Variants in FAM124B observed in about 807,000 individuals in gnomAD.
FAM124B encodes family with sequence similarity 124 member B.
In FAM124B, 18 loss-of-function variants were observed where a neutral mutation model predicts 19.7. The ratio of observed to expected loss-of-function variants is 0.92; its 90% CI spans 0.63 to 1.36. The LOEUF is 1.36. Ranked by LOEUF, FAM124B falls within the 40% of genes most tolerant of loss-of-function variation. The pLI is 0.00. For synonymous variants in FAM124B, 223 were observed against 225.2 expected (o/e 0.99, Z 0.09); for missense variants, 540 against 553.3 (o/e 0.98, Z 0.24).
At chr2:224,382,033 T>C (rs936698113) in intron 1 of FAM124B, among the ~76,000 whole-genome samples, 4 of 152,180 alleles carry the variant, frequency 2.6e-5, no homozygotes, top group Non-Finnish European at 5.9e-5. Context: ...ACATCTCAAT[T>C]TTCTGATAGA....
intron 1 of FAM124B, chr2:224,399,485 T>C (rs1002201404): frequency 6.6e-6 from 1 of 152,216 alleles, no homozygotes; most frequent in Non-Finnish European, 1.5e-5. Context: ...CATCTCATCT[T>C]GTAGTCTCTT....
rs2710602 is a variant in FAM124B at position 224,389,184 on chromosome 2, G to A, written c.733-8976C>T. 6.0e-3 allele frequency among the ~76,000 whole-genome samples: 920 copies of A among 152,128 alleles called. 6 individuals are homozygous for A. Among genetic ancestry groups the A allele is most frequent in the Non-Finnish European group, 7.9e-3 (539 of 67,976 alleles). On this transcript the variant is annotated intron_variant, in intron 1 of 1. Transcript: ENST00000409685. ...TGGCCTCAAGTGATCCGCCTGCCTC[G>A]GCCTCCCAAAGTGCTGGGATTACAG...
intron 1 of FAM124B, among the ~76,000 whole-genome samples, chr2:224,395,800 T>C (rs1475544875): frequency 6.6e-6 from 1 of 152,198 alleles, no homozygotes; most frequent in Non-Finnish European, 1.5e-5. Context: ...CAAGAGGTCA[T>C]GTGGAAAACG....
chr2:224,390,672 C>A (rs1344762675), intron 1 of FAM124B, among the ~76,000 whole-genome samples: 1 of 150,524 alleles, frequency 6.6e-6, no homozygotes, highest in African/African-American at 2.5e-5. Flanking sequence ...AGGAAAGATT[C>A]CCCCAATACT....
At chr2:224,390,291 C>A (rs149396871) in intron 1 of FAM124B, among the ~76,000 whole-genome samples, 304 of 152,082 alleles carry the variant, frequency 2.0e-3, no homozygotes, top group African/African-American at 6.9e-3. Context: ...TATCCTCAAG[C>A]ACTGCTGGCC....
intron 1 of FAM124B, among the ~76,000 whole-genome samples, chr2:224,386,844 T>C (rs929363869): frequency 1.1e-4 from 16 of 152,244 alleles, no homozygotes; most frequent in Non-Finnish European, 1.5e-5. Flanking sequence ...TAGAAATGAA[T>C]GAGAATGTAG....
chr2:224,379,914 C>T lies in FAM124B; in HGVS notation c.1027G>A (p.Ala343Thr). The T allele has an allele frequency of 5.2e-6, 8 of 1,551,874 alleles. No individual in the cohort carries two copies. Among genetic ancestry groups the T allele is most frequent in the Non-Finnish European group, 7.0e-6 (8 of 1,147,040 alleles). The part of the protein sequence containing the change: ...HLSSHHLESG[A>T]RMKVLNRENS... ...TCCCGGTTGAGGACCTTCATTCTGG[C>T]CCCGGATTCAAGGTGATGAGAAGAC... is the stretch of plus-strand genomic sequence containing the variant. The change falls in exon 2 of 2, where the codon GCC becomes ACC. Residue 343 changes from alanine to threonine, a missense_variant. Ala to Thr is a moderately conservative substitution (Grantham distance 58). Transcript: ENST00000409685.
At chr2:224,398,502 A>G (rs1296295354) in intron 1 of FAM124B, among the ~76,000 whole-genome samples, 2 of 152,202 alleles carry the variant, frequency 1.3e-5, no homozygotes, top group African/African-American at 4.8e-5. Context: ...CACTTTCCTC[A>G]GGCACTTTTA....
At chr2:224,397,270 C>T (rs1411199299) in intron 1 of FAM124B, among the ~76,000 whole-genome samples, 3 of 152,044 alleles carry the variant, frequency 2.0e-5, no homozygotes, top group Non-Finnish European at 1.5e-5. Flanking sequence ...CTGCACAAGC[C>T]CTCTCTTTGC....
At chr2:224,398,235 C>T (rs1273105416) in intron 1 of FAM124B, among the ~76,000 whole-genome samples, 3 of 152,100 alleles carry the variant, frequency 2.0e-5, no homozygotes, top group Admixed American at 6.5e-5. Context: ...GTAGCTGGGA[C>T]TACGGGTGCA....
At chr2:224,398,665 T>TA (rs1185666462) in intron 1 of FAM124B, among the ~76,000 whole-genome samples, 5 of 152,100 alleles carry the variant, frequency 3.3e-5, no homozygotes, top group Non-Finnish European at 7.4e-5. Flanking sequence ...ACAAAGGTGA[T>TA]GTCCAAGGGG....
intron 1 of FAM124B, among the ~76,000 whole-genome samples, chr2:224,397,131 C>G (rs1005370055): frequency 1.3e-5 from 2 of 152,192 alleles, no homozygotes; most frequent in African/African-American, 4.8e-5. Flanking sequence ...ATAACTGCCA[C>G]AATTCCCATG....
At chr2:224,392,164 C>T (rs1309604531) in intron 1 of FAM124B, among the ~76,000 whole-genome samples, 1 of 152,156 alleles carries the variant, frequency 6.6e-6, no homozygotes, top group Non-Finnish European at 1.5e-5. Context: ...GGATTTGGCG[C>T]TGGCACGGTG....
At position 224,401,242 on chromosome 2, in the gene FAM124B, A is replaced by G. The variant is rs956920973; in HGVS notation, c.527T>C (p.Leu176Pro). The stretch of plus-strand genomic sequence containing the variant: ...CAGAGCAAAGCTCTTGGAGGCATAG[A>G]GCACGAAGAAACAAAAATTGCTCTT... ...LQKSNFCFFV[L>P]YASKSFALQL... Residue 176 changes from leucine (L) to proline (P), a missense_variant, in exon 1 of 2, where the codon CTC becomes CCC. Coordinates refer to ENST00000409685, the MANE Select transcript of FAM124B (RefSeq NM_001122779.2). 6.2e-7 allele frequency: 1 copy of G among 1,613,970 alleles called. No individual in the cohort carries two copies. The highest frequency in any genetic ancestry group is 1.3e-5 in the African/African-American group (1 of 74,902).
chr2:224,383,645 TCA>T (rs1689759088), intron 1 of FAM124B, among the ~76,000 whole-genome samples: 1 of 152,184 alleles, frequency 6.6e-6, no homozygotes, highest in Non-Finnish European at 1.5e-5. Flanking sequence ...CCCCAAATTC[TCA>T]CTTTCCAATG....
rs546571913 is a variant in FAM124B, at chr2:224,380,043, G to A, written c.898C>T (p.Pro300Ser). The A allele has an allele frequency of 6.4e-7, 1 of 1,551,664 alleles. No homozygotes were observed. The highest frequency in any genetic ancestry group is 1.4e-5 in the African/African-American group (1 of 73,154). The part of the protein sequence containing the change: ...SQGHSLELPE[P>S]SGSPTSDRCA... ...CTGTCTGATGTGGGGCTCCCACTGG[G>A]CTCAGGAAGCTCCAGAGAATGCCCC... Residue 300 changes from proline (P) to serine (S), a missense_variant, in exon 2 of 2, where the codon CCC (proline) becomes TCC (serine). Pro to Ser is a moderately conservative substitution (Grantham distance 74). Transcript: ENST00000409685.
intron 1 of FAM124B, among the ~76,000 whole-genome samples, chr2:224,381,116 C>G (rs1297977595): frequency 1.3e-5 from 2 of 152,168 alleles, no homozygotes; most frequent in African/African-American, 4.8e-5. Context: ...TGGCCCAGCC[C>G]TTAATCAAAT....
chr2:224,390,762 G>T (rs1689873527), intron 1 of FAM124B, among the ~76,000 whole-genome samples: 1 of 149,942 alleles, frequency 6.7e-6, no homozygotes, highest in Admixed American at 6.6e-5. Context: ...GTGCAGTGGC[G>T]CGATCTCGGC....
intron 1 of FAM124B, among the ~76,000 whole-genome samples, chr2:224,384,414 T>C (rs959177351): frequency 1.8e-4 from 28 of 152,146 alleles, no homozygotes; most frequent in Admixed American, 4.6e-4. Context: ...CTCCCCTCAC[T>C]ATTCCCATTC....
Sources: allele counts gnomAD v4.1 joint callset (sites outside exome capture counted in the v4.1 genomes callset), GRCh38; gene constraint gnomAD v4.1.1; transcripts MANE v1.5; gene names NCBI Gene and HGNC (gene_info 2026-07-23, HGNC 2026-07-21).